ZFHX3: variants seen among roughly 807,000 people sequenced by gnomAD.
The protein encoded by ZFHX3 is zinc finger homeobox 3.
Under a neutral mutation model 279.1 loss-of-function variants are expected in ZFHX3, and 42 were observed. That is an observed-to-expected ratio of 0.15 (90% CI 0.12 to 0.19). The LOEUF is 0.19. Among genes scored for constraint, ZFHX3 ranks in the 10% least tolerant of loss-of-function variants. The probability of loss-of-function intolerance (pLI) is 1.00; values close to 1 mark genes in which losing one functional copy is unlikely to be tolerated. For missense variants in ZFHX3, 4,981 were observed against 4,754.0 expected (o/e 1.05, Z -1.40); for synonymous variants, 2,293 against 1,957.8 (o/e 1.17, Z -4.52).
At chr16:73,156,046 C>A (rs140453996) in intron 5 of ZFHX3, among the ~76,000 whole-genome samples, 3,213 of 151,900 alleles carry the variant, frequency 0.021, 55 homozygotes, top group East Asian at 0.1. Flanking sequence ...TCCTGGCTAA[C>A]ACGGTGAAAC....
chr16:72,981,535 T>C lies in ZFHX3; in HGVS notation c.-49-21341A>G, dbSNP rs527742236. ...CATTGTTTTTGCGCACACTGTCTTT[T>C]ATCTCAGCATGAATGTTTTATAAGC... On this transcript the variant is annotated intron_variant, in intron 1 of 9. Coordinates refer to ENST00000268489, the MANE Select transcript of ZFHX3 (RefSeq NM_006885.4). Among the ~76,000 whole-genome samples the C allele has an allele frequency of 2.6e-5, 4 of 152,378 alleles. No homozygotes were observed. In the South Asian group the frequency reaches 8.3e-4, roughly 32 times the overall value.
chr16:73,371,308 A>G (rs1018146101), intron 3 of ZFHX3, among the ~76,000 whole-genome samples: 5 of 151,948 alleles, frequency 3.3e-5, no homozygotes, highest in South Asian at 2.1e-4. Flanking sequence ...CTCCATCTCA[A>G]AACAAAAGAC....
At chr16:73,682,918 G>GAAAGAAAGAAAGAA (rs1567550617) in intron 1 of ZFHX3, among the ~76,000 whole-genome samples, 7 of 39,372 alleles carry the variant, frequency 1.8e-4, no homozygotes, top group African/African-American at 5.8e-4. Flanking sequence ...GAAAGAAAGA[G>GAAAGAAAGAAAGAA]AGAAAGAGAA....
intron 3 of ZFHX3, among the ~76,000 whole-genome samples, chr16:72,901,570 A>T (rs745464547): frequency 6.6e-6 from 1 of 152,092 alleles, no homozygotes; most frequent in Non-Finnish European, 1.5e-5. Context: ...AGGCAGAAAA[A>T]CTCCCTCTAA....
chr16:73,241,205 A>G (rs2077171771), intron 5 of ZFHX3, among the ~76,000 whole-genome samples: 1 of 152,196 alleles, frequency 6.6e-6, no homozygotes, highest in African/African-American at 2.4e-5. Context: ...ATTATACATG[A>G]TAGTCTGAAA....
intron 3 of ZFHX3, among the ~76,000 whole-genome samples, chr16:72,910,392 C>A (rs576501194): frequency 6.2e-4 from 94 of 152,308 alleles, no homozygotes; most frequent in African/African-American, 2.1e-3. Flanking sequence ...AGAGCTGACG[C>A]TAGGACATCC....
At chr16:73,599,132 G>T (rs1307264447) in intron 2 of ZFHX3, among the ~76,000 whole-genome samples, 1 of 152,180 alleles carries the variant, frequency 6.6e-6, no homozygotes, top group Non-Finnish European at 1.5e-5. Flanking sequence ...TTTGTTCTCT[G>T]TGATCTTTCA....
intron 1 of ZFHX3, among the ~76,000 whole-genome samples, chr16:73,700,765 A>G (rs1324414124): frequency 6.6e-6 from 1 of 152,250 alleles, no homozygotes; most frequent in African/African-American, 2.4e-5. Context: ...ATTAAAATGT[A>G]ACAATAAGTA....
chr16:73,777,102 A>C (rs1403067948), intron 1 of ZFHX3, among the ~76,000 whole-genome samples: 2 of 152,084 alleles, frequency 1.3e-5, no homozygotes, highest in Non-Finnish European at 2.9e-5. Flanking sequence ...ACCATCTAAC[A>C]CATCGATCCT....
intron 2 of ZFHX3, among the ~76,000 whole-genome samples, chr16:73,601,869 CAT>C (rs747675009): frequency 6.6e-6 from 1 of 152,140 alleles, no homozygotes; most frequent in Non-Finnish European, 1.5e-5. Context: ...TGGAAAAAAA[CAT>C]GTGAGTGTAG....
chr16:73,814,628 C>T (rs891634242), intron 1 of ZFHX3, among the ~76,000 whole-genome samples: 3 of 150,484 alleles, frequency 2.0e-5, no homozygotes, highest in East Asian at 3.9e-4. Context: ...AGTGCAGTGG[C>T]GCAATCTCAG....
In ZFHX3 at chr16:73,593,309, T is replaced by C. The variant is rs560736338; in HGVS notation, c.-1547+86871A>G. Among the ~76,000 whole-genome samples the C allele has an allele frequency of 2.6e-5, 4 of 152,064 alleles. No homozygotes were observed. In the East Asian group the frequency reaches 7.7e-4, roughly 29 times the overall value. On this transcript the variant is annotated intron_variant, in intron 2 of 17. Transcript: ENST00000641206. ...AACCTGGATGTCAAACCCTGACAAG[T>C]ACATTATGAGAAAAAAAAATTAGGG...
At chr16:73,702,680 C>A (rs1318541153) in intron 1 of ZFHX3, among the ~76,000 whole-genome samples, 1 of 152,058 alleles carries the variant, frequency 6.6e-6, no homozygotes, top group Non-Finnish European at 1.5e-5. Context: ...TGAGACAGCG[C>A]AGAATTCAGG....
chr16:73,543,911 A>AGG (rs2020064552), intron 2 of ZFHX3: 8 of 146,642 alleles, frequency 5.5e-5, no homozygotes, highest in African/African-American at 1.6e-4. Context: ...AGAGAGAGAG[A>AGG]CAGAGGGAGA....
chr16:73,638,851 A>G (rs1446039644), intron 2 of ZFHX3, among the ~76,000 whole-genome samples: 1 of 152,198 alleles, frequency 6.6e-6, no homozygotes, highest in Non-Finnish European at 1.5e-5. Flanking sequence ...TTAAATATCT[A>G]TGTTCCAAAA....
chr16:73,566,688 CTTTT>C (rs35009584), intron 2 of ZFHX3, among the ~76,000 whole-genome samples: 19 of 119,982 alleles, frequency 1.6e-4, no homozygotes, highest in South Asian at 2.8e-4. Flanking sequence ...ACCAAGCTAA[CTTTT>C]TTTTTTTTTT....
At chr16:73,180,726 T>C (rs1465836238) in intron 5 of ZFHX3, among the ~76,000 whole-genome samples, 6 of 151,654 alleles carry the variant, frequency 4.0e-5, no homozygotes, top group Admixed American at 3.9e-4. Flanking sequence ...GCAGTGGTGC[T>C]ATCTCAGCTC....
chr16:73,867,906 A>T lies in ZFHX3; in HGVS notation c.-1608+23745T>A, dbSNP rs528311130. Among the ~76,000 whole-genome samples the T allele has an allele frequency of 1.4e-4, 21 of 152,296 alleles. No homozygotes were observed. In the South Asian group the frequency reaches 4.3e-3, roughly 32 times the overall value. On this transcript the variant is annotated intron_variant, in intron 1 of 17. Transcript: ENST00000641206. Reference sequence around the variant, plus strand: ...TCTCAAAGGACTTTGCATCTTGAACACAAGAACAGTGAGAACATGGTGAGT... The same window carrying T: ...TCTCAAAGGACTTTGCATCTTGAACTCAAGAACAGTGAGAACATGGTGAGT...
chr16:73,366,779 A>G (rs1311996977), intron 3 of ZFHX3, among the ~76,000 whole-genome samples: 2 of 152,138 alleles, frequency 1.3e-5, no homozygotes, highest in African/African-American at 4.8e-5. Context: ...ATGAGGTGAG[A>G]GCTCCAAGAT....
Sources: allele counts gnomAD v4.1 joint callset (sites outside exome capture counted in the v4.1 genomes callset), GRCh38; gene constraint gnomAD v4.1.1; transcripts MANE v1.5; gene names NCBI Gene and HGNC (gene_info 2026-07-23, HGNC 2026-07-21).